Variants in ZNF827 observed in about 807,000 individuals in gnomAD.
ZNF827 encodes the protein zinc finger protein 827.
In ZNF827, 13 loss-of-function variants were observed where a neutral mutation model predicts 102.4. The ratio of observed to expected loss-of-function variants is 0.13; its 90% CI spans 0.08 to 0.20. The LOEUF (loss-of-function observed/expected upper bound fraction) is 0.20. Among genes scored for constraint, ZNF827 ranks in the 10% least tolerant of loss-of-function variants. The pLI, the probability that ZNF827 is intolerant of heterozygous loss-of-function variation, is 1.00. For synonymous variants in ZNF827, 523 were observed against 536.2 expected, an observed-to-expected ratio of 0.98 and a Z score of 0.34; for missense variants, 1,103 against 1,344.4, an observed-to-expected ratio of 0.82 and a Z score of 2.81.
chr4:145,846,371 G>A (rs1156411516), intron 6 of ZNF827, among the ~76,000 whole-genome samples: 1 of 152,198 alleles, frequency 6.6e-6, no homozygotes, highest in Non-Finnish European at 1.5e-5. Flanking sequence ...CCAGCTACTA[G>A]GGAGGCTGAG....
intron 7 of ZNF827, among the ~76,000 whole-genome samples, chr4:145,834,174 A>T (rs1418285233): frequency 6.6e-6 from 1 of 152,184 alleles, no homozygotes; most frequent in Non-Finnish European, 1.5e-5. Context: ...TGGCACTTTG[A>T]ATTTTTCCAT....
chr4:145,786,797 G>A (rs1405778594), intron 8 of ZNF827, among the ~76,000 whole-genome samples: 1 of 152,164 alleles, frequency 6.6e-6, no homozygotes, highest in Non-Finnish European at 1.5e-5. Context: ...AGTGCTTGCA[G>A]CTCGTCTGTA....
chr4:145,914,091 C>CACACT (rs1752497351), intron 1 of ZNF827, among the ~76,000 whole-genome samples: 1 of 115,738 alleles, frequency 8.6e-6, no homozygotes, highest in Non-Finnish European at 1.7e-5. Flanking sequence ...ACACACACAC[C>CACACT]AAGAGCATTG....
chr4:145,803,692 A>G (rs1741139039), intron 8 of ZNF827, among the ~76,000 whole-genome samples: 1 of 152,186 alleles, frequency 6.6e-6, no homozygotes, highest in Non-Finnish European at 1.5e-5. Flanking sequence ...ATTGGTGTAT[A>G]TGACTCCCCA....
At chr4:145,828,612 T>C (rs1051695101) in intron 7 of ZNF827, among the ~76,000 whole-genome samples, 1 of 152,224 alleles carries the variant, frequency 6.6e-6, no homozygotes, top group African/African-American at 2.4e-5. Context: ...TCCCTGGGTT[T>C]TGAAAATACA....
At chr4:145,907,698 A>G (rs1751977088) in intron 1 of ZNF827, among the ~76,000 whole-genome samples, 1 of 152,162 alleles carries the variant, frequency 6.6e-6, no homozygotes, top group African/African-American at 2.4e-5. Flanking sequence ...CTTCCTTGTA[A>G]ATACATTATT....
chr4:145,811,378 GAGA>G (rs980454979), intron 8 of ZNF827, among the ~76,000 whole-genome samples: 5 of 152,192 alleles, frequency 3.3e-5, no homozygotes, highest in African/African-American at 1.2e-4. Flanking sequence ...AGTAGACACA[GAGA>G]AGGAGATTGG....
chr4:145,846,512 C>A (rs1745965799), intron 6 of ZNF827, among the ~76,000 whole-genome samples: 1 of 140,496 alleles, frequency 7.1e-6, no homozygotes, highest in Non-Finnish European at 1.5e-5. Context: ...ACAACAACAA[C>A]AACAAAAAAC....
chr4:145,886,606 T>C (rs1475432556), intron 3 of ZNF827, among the ~76,000 whole-genome samples: 1 of 152,166 alleles, frequency 6.6e-6, no homozygotes, highest in African/African-American at 2.4e-5. Flanking sequence ...CAAACATAAT[T>C]TCAGTTTTCA....
At chr4:145,895,615 G>C (rs1349052686) in intron 2 of ZNF827, among the ~76,000 whole-genome samples, 1 of 152,158 alleles carries the variant, frequency 6.6e-6, no homozygotes, top group Non-Finnish European at 1.5e-5. Context: ...AGTAACCGAA[G>C]TACCATGACT....
At position 145,938,471 on chromosome 4, in the gene ZNF827, C is replaced by A; in HGVS notation, c.-64G>T. The stretch of plus-strand genomic sequence containing the variant: ...GAGATCAAATAAACCCCCGTGGGGG[C>A]AGAGAGGCAGACACTGGCAGGAGCG... On this transcript the variant is annotated 5_prime_UTR_variant, in exon 1 of 15. Coordinates refer to ENST00000508784, the MANE Select transcript of ZNF827 (RefSeq NM_001306215.2). 1 of 1,196,076 alleles carries A rather than the reference C, an allele frequency of 8.4e-7. No individual in the cohort carries two copies. Among genetic ancestry groups the A allele is most frequent in the Non-Finnish European group, 1.1e-6 (1 of 908,682 alleles). The allele number at this position is 1,196,076 out of a possible 1,614,324, so 74.1% of individuals were successfully genotyped here.
chr4:145,831,274 C>T (rs937965405), intron 7 of ZNF827: 2 of 152,192 alleles, frequency 1.3e-5, no homozygotes, highest in South Asian at 4.1e-4. Context: ...AGGGACATAA[C>T]AGGGACCTCC....
intron 5 of ZNF827, among the ~76,000 whole-genome samples, chr4:145,859,221 C>T (rs1747472519): frequency 6.6e-6 from 1 of 152,116 alleles, no homozygotes; most frequent in East Asian, 1.9e-4. Context: ...AGGCTCCATG[C>T]AGGTGAGGTC....
chr4:145,764,878 G>T, intron 13 of ZNF827, 110 bp downstream of exon 13: 1 of 1,478,536 alleles, frequency 6.8e-7, no homozygotes, highest in Non-Finnish European at 9.4e-7. Flanking sequence ...CTCATACCAA[G>T]CTCCCCTTCT....
In ZNF827 at chr4:145,885,736, T is replaced by C; in HGVS notation, c.1689A>G (p.Ala563=). 5.1e-6 allele frequency: 8 copies of C among 1,581,304 alleles called. No individual in the cohort carries two copies. Among genetic ancestry groups the C allele is most frequent in the African/African-American group, 1.3e-5 (1 of 74,114 alleles). ...TAACAGAGATGTCCTGGCTGAACAA[T>C]GCTGACGCACTGTTGGCCACATACT... The part of the protein sequence containing the change: ...PSEYVANSAS[A]LFSQDISVKM... The change falls in exon 4 of 15, where the codon GCA becomes GCG. Residue 563 remains alanine, a synonymous_variant. Transcript: ENST00000508784.
rs774273483 is a variant in ZNF827, at chr4:145,870,288, A to T, written c.1938T>A (p.Asp646Glu). The T allele has an allele frequency of 1.1e-5, 18 of 1,613,982 alleles. No homozygotes were observed. The highest frequency in any genetic ancestry group is 1.4e-5 in the Non-Finnish European group (16 of 1,179,988). The change falls in exon 5 of 15, where the codon GAT becomes GAA. Residue 646 changes from aspartate to glutamate, a missense_variant. Physicochemically the swap from Asp to Glu is conservative, Grantham distance 45. This residue lies in a region of ZNF827 where 243 missense variants were observed against 251.6 expected (regional missense o/e 0.97). Coordinates refer to ENST00000508784, the MANE Select transcript of ZNF827 (RefSeq NM_001306215.2). ...QEGKGSVLRR[D>E]VSVKAASELL... ...GTTCAGAGGCTGCTTTGACTGACACATCCCGCCTTAGCACACTTCCCTTCC... is the reference window on the plus strand; with the variant it reads ...GTTCAGAGGCTGCTTTGACTGACACTTCCCGCCTTAGCACACTTCCCTTCC...
chr4:145,774,901 T>C (rs1736817175), intron 10 of ZNF827, among the ~76,000 whole-genome samples: 4 of 152,226 alleles, frequency 2.6e-5, no homozygotes, highest in African/African-American at 2.4e-5. Context: ...CAATCACATA[T>C]GTGTTATAAT....
At chr4:145,773,846 G>T (rs1333010463) in intron 11 of ZNF827, among the ~76,000 whole-genome samples, 2 of 152,118 alleles carry the variant, frequency 1.3e-5, no homozygotes, top group African/African-American at 4.8e-5. Flanking sequence ...CACTGGAGAG[G>T]AACAGAGCCT....
rs989250185 is a variant in ZNF827, at chr4:145,902,969, C to T, written c.290G>A (p.Cys97Tyr). 4 of 1,614,084 alleles carry T rather than the reference C, an allele frequency of 2.5e-6. No individual in the cohort carries two copies. The highest frequency in any genetic ancestry group is 3.4e-6 in the Non-Finnish European group (4 of 1,180,044). ...DSEVLRDSLQCQDHLSPGVSS... is the reference protein window; with the variant it reads ...DSEVLRDSLQYQDHLSPGVSS... ...CACTCCCGGGGAAAGGTGATCTTGA[C>T]ACTGCAGTGAGTCTCGCAGGACCTC... The change falls in exon 2 of 15, where the codon TGT becomes TAT. Residue 97 changes from cysteine to tyrosine, a missense_variant. Around this residue, in one of 5 missense-constraint regions of ZNF827, gnomAD observed 441 missense variants for 458.6 expected, o/e 0.96. Coordinates refer to ENST00000508784, the MANE Select transcript of ZNF827 (RefSeq NM_001306215.2). The surrounding 1 kb of genome is among the most constrained non-coding windows in gnomAD (Gnocchi z 4.3).
Sources: gnomAD v4.1 joint callset for allele counts (sites outside exome capture counted in the v4.1 genomes callset) on GRCh38, gnomAD v4.1.1 for gene constraint, gnomAD v4.1.1 regional missense constraint, Gnocchi (gnomAD v3.1) non-coding constraint, MANE v1.5 for transcripts, NCBI Gene and HGNC (gene_info 2026-07-23, HGNC 2026-07-21) for gene names.